Variants in KIRREL3 observed in about 807,000 individuals in gnomAD.
KIRREL3 encodes the protein kin of IRRE-like protein 3.
Under a neutral mutation model 89.7 loss-of-function variants are expected in KIRREL3, and 36 were observed. The observed-to-expected ratio is 0.40, with a 90% CI of 0.31 to 0.53. The LOEUF (loss-of-function observed/expected upper bound fraction) is 0.53. Among genes scored for constraint, KIRREL3 ranks in the 20% least tolerant of loss-of-function variants. The pLI, the probability that KIRREL3 is intolerant of heterozygous loss-of-function variation, is 0.49. For missense variants in KIRREL3, 864 were observed against 1,056.6 expected (o/e 0.82, Z 2.53); for synonymous variants, 445 against 441.4 (o/e 1.01, Z -0.10).
chr11:126,812,458 A>G lies in KIRREL3; in HGVS notation c.55+187997T>C, dbSNP rs1048684641. ...CAATTAATATTGTCCACTGAACAGA[A>G]TGGTGAACCCTGAGCATCTTTCCCA... On this transcript the variant is annotated intron_variant, in intron 1 of 16. Transcript: ENST00000525144. The surrounding 1 kb of genome is among the most constrained non-coding windows in gnomAD (Gnocchi z 5.2). 3.3e-5 allele frequency among the ~76,000 whole-genome samples: 5 copies of G among 152,300 alleles called. No homozygotes were observed. The highest frequency in any genetic ancestry group is 1.9e-4 in the East Asian group (1 of 5,176).
At chr11:126,914,265 A>G (rs1946947513) in intron 1 of KIRREL3, among the ~76,000 whole-genome samples, 1 of 152,210 alleles carries the variant, frequency 6.6e-6, no homozygotes. Flanking sequence ...AAGAGGGAGA[A>G]ACAAACATTT....
chr11:126,599,438 GA>G (rs1259495816), intron 1 of KIRREL3, among the ~76,000 whole-genome samples: 1 of 152,160 alleles, frequency 6.6e-6, no homozygotes, highest in Non-Finnish European at 1.5e-5. Flanking sequence ...ATGAAAAGGT[GA>G]CCAGCTCTTC....
At position 126,623,101 on chromosome 11, in the gene KIRREL3, A is replaced by G. The variant is rs1304587679; in HGVS notation, c.56-60189T>C. ...ACTAGTTATCTCACTGATTTTCCCA[A>G]GAGACTTTGGCTCCACTTTAGACAT... On this transcript the variant is annotated intron_variant, in intron 1 of 16. Transcript: ENST00000525144. This position sits in a 1 kb window ranked among gnomAD's most constrained non-coding sequence, Gnocchi z 4.1. Among the ~76,000 whole-genome samples, 1 of 152,186 alleles carries G rather than the reference A, an allele frequency of 6.6e-6. No homozygotes were observed. The highest frequency in any genetic ancestry group is 2.4e-5 in the African/African-American group (1 of 41,448).
rs919496404 is a variant in KIRREL3, at chr11:126,942,057, C to T, written c.55+58398G>A. On this transcript the variant is annotated intron_variant, in intron 1 of 16. Transcript: ENST00000525144. ...CAGTGGTGTGGCCTTGCAGAGGTCACTTCAGTTTTCCAGGCTTTGGCCAAA... is the reference window on the plus strand; with the variant it reads ...CAGTGGTGTGGCCTTGCAGAGGTCATTTCAGTTTTCCAGGCTTTGGCCAAA... Among the ~76,000 whole-genome samples, 4 of 152,114 alleles carry T rather than the reference C, an allele frequency of 2.6e-5. No homozygotes were observed. In the East Asian group the frequency reaches 5.8e-4, roughly 22 times the overall value.
chr11:126,663,066 G>C (rs1256520342), intron 1 of KIRREL3, among the ~76,000 whole-genome samples: 1 of 151,876 alleles, frequency 6.6e-6, no homozygotes, highest in Non-Finnish European at 1.5e-5. Flanking sequence ...CTTGGCAAGG[G>C]AAGAACCAGC....
At chr11:126,700,871 G>A (rs188373687) in intron 1 of KIRREL3, among the ~76,000 whole-genome samples, 3 of 152,190 alleles carry the variant, frequency 2.0e-5, no homozygotes, top group Non-Finnish European at 2.9e-5. Context: ...TTGGGCTAAT[G>A]AGCTCAGTTC....
In KIRREL3 at chr11:126,495,614, G is replaced by C. The variant is rs1197914268; in HGVS notation, c.434-22148C>G. Among the ~76,000 whole-genome samples the C allele has an allele frequency of 6.6e-6, 1 of 152,176 alleles. No homozygotes were observed. Among genetic ancestry groups the C allele is most frequent in the Non-Finnish European group, 1.5e-5 (1 of 68,046 alleles). On this transcript the variant is annotated intron_variant, in intron 4 of 16. Transcript: ENST00000525144. This position sits in a 1 kb window ranked among gnomAD's most constrained non-coding sequence, Gnocchi z 6.5. ...CAGCAGCAGATGCCTCAGGAAGGAAGCGACCCTGTTGTGTCCTCCCTGCTG... is the reference window on the plus strand; with the variant it reads ...CAGCAGCAGATGCCTCAGGAAGGAACCGACCCTGTTGTGTCCTCCCTGCTG...
intron 1 of KIRREL3, among the ~76,000 whole-genome samples, chr11:126,841,301 C>A (rs1174274426): frequency 6.6e-6 from 1 of 152,208 alleles, no homozygotes; most frequent in Non-Finnish European, 1.5e-5. Flanking sequence ...TCTTCTCCTT[C>A]ATGGAGCCTT....
chr11:126,878,719 A>T (rs900321803), intron 1 of KIRREL3, among the ~76,000 whole-genome samples: 1 of 152,166 alleles, frequency 6.6e-6, no homozygotes, highest in South Asian at 2.1e-4. Context: ...AGCTCTGGCC[A>T]CCTCTGGGAT....
At chr11:126,487,518 A>G (rs1957397381) in intron 4 of KIRREL3, among the ~76,000 whole-genome samples, 1 of 152,242 alleles carries the variant, frequency 6.6e-6, no homozygotes, top group Non-Finnish European at 1.5e-5. Flanking sequence ...ACTTTATGCA[A>G]ATTTACCAGA....
chr11:126,663,347 G>A (rs1175930740), intron 1 of KIRREL3, among the ~76,000 whole-genome samples: 1 of 151,720 alleles, frequency 6.6e-6, no homozygotes, highest in Admixed American at 6.6e-5. Context: ...CACCACACCC[G>A]GCTAATTTTT....
upstream of KIRREL3, chr11:127,001,012 C>A (rs1950302488): frequency 9.8e-6 from 2 of 204,810 alleles, no homozygotes; most frequent in Non-Finnish European, 1.9e-5. Context: ...CAGCTTTTGT[C>A]ACCATTATTG....
Position 126,459,085 on chromosome 11 carries a change from A to G in KIRREL3, c.743-2631T>C, listed in dbSNP as rs1956466271. ...GGGAATCGCCACCGGATCCAAACGCATTGCTGGCCCGTGCCCTCGCATTAT... is the reference window on the plus strand; with the variant it reads ...GGGAATCGCCACCGGATCCAAACGCGTTGCTGGCCCGTGCCCTCGCATTAT... On this transcript the variant is annotated intron_variant, in intron 6 of 16. Transcript: ENST00000525144. This position sits in a 1 kb window ranked among gnomAD's most constrained non-coding sequence, Gnocchi z 4.8. Among the ~76,000 whole-genome samples, 1 of 152,008 alleles carries G rather than the reference A, an allele frequency of 6.6e-6. No individual in the cohort carries two copies. Among genetic ancestry groups the G allele is most frequent in the Non-Finnish European group, 1.5e-5 (1 of 68,016 alleles).
rs921494005 is a variant in KIRREL3, at chr11:126,978,471, C to G, written c.55+21984G>C. On this transcript the variant is annotated intron_variant, in intron 1 of 16. Transcript: ENST00000525144. This position sits in a 1 kb window ranked among gnomAD's most constrained non-coding sequence, Gnocchi z 4.2. ...CCCTGGTAACCTCAAACAGGTTGCT[C>G]CCTCTATCATCCAATATATTCTTGT... Among the ~76,000 whole-genome samples the G allele has an allele frequency of 1.7e-4, 26 of 152,274 alleles. No individual in the cohort carries two copies. The highest frequency in any genetic ancestry group is 3.9e-4 in the East Asian group (2 of 5,176).
chr11:126,751,653 A>G (rs1949340487), intron 1 of KIRREL3, among the ~76,000 whole-genome samples: 1 of 151,986 alleles, frequency 6.6e-6, no homozygotes, highest in African/African-American at 2.4e-5. Flanking sequence ...TCCTCACTAA[A>G]TATTCTTTTT....
At chr11:126,864,768 C>T (rs1329374946) in intron 1 of KIRREL3, among the ~76,000 whole-genome samples, 1 of 152,142 alleles carries the variant, frequency 6.6e-6, no homozygotes, top group Non-Finnish European at 1.5e-5. Context: ...AATAAATTGC[C>T]TTGAGTGCAT....
rs549614262 is a variant in KIRREL3 at position 127,000,545 on chromosome 11, T to C, written c.-36A>G. The C allele has an allele frequency of 1.3e-4, 202 of 1,581,426 alleles. No homozygotes were observed. Among genetic ancestry groups the C allele is most frequent in the Non-Finnish European group, 1.7e-4 (193 of 1,164,002 alleles). ...AGCGAAGGAAAGCCGGCGGGGTAAC[T>C]TGGCTGTGGTTAGTTTCTCTTCCTT... On this transcript the variant is annotated 5_prime_UTR_variant, in exon 1 of 17. Transcript: ENST00000525144. The surrounding 1 kb of genome is among the most constrained non-coding windows in gnomAD (Gnocchi z 7.1).
At position 126,668,548 on chromosome 11, in the gene KIRREL3, C is replaced by T. The variant is rs948064808; in HGVS notation, c.56-105636G>A. ...GAAGAGGAGCCCTGTCAACTGCACC[C>T]GGAATGATGGCCTTTCTTCCTGTTC... On this transcript the variant is annotated intron_variant, in intron 1 of 16. Transcript: ENST00000525144. The surrounding 1 kb of genome is among the most constrained non-coding windows in gnomAD (Gnocchi z 4.4). Among the ~76,000 whole-genome samples the T allele has an allele frequency of 3.3e-5, 5 of 152,100 alleles. No individual in the cohort carries two copies. Among genetic ancestry groups the T allele is most frequent in the Admixed American group, 2.6e-4 (4 of 15,280 alleles).
intron 1 of KIRREL3, among the ~76,000 whole-genome samples, chr11:126,701,371 T>TCA (rs1947307534): frequency 6.6e-6 from 1 of 151,762 alleles, no homozygotes; most frequent in African/African-American, 2.4e-5. Context: ...TCAGTCTTGG[T>TCA]GAGAGAGGGA....
Sources: gnomAD v4.1 joint callset for allele counts (sites outside exome capture counted in the v4.1 genomes callset) on GRCh38, gnomAD v4.1.1 for gene constraint, Gnocchi (gnomAD v3.1) non-coding constraint, MANE v1.5 for transcripts, NCBI Gene and HGNC (gene_info 2026-07-23, HGNC 2026-07-21) for gene names.